The following RGS7 variants were observed in gnomAD, a reference collection of about 807,000 sequenced individuals.
RGS7 encodes regulator of G-protein signaling 7.
A neutral mutation model predicts 81.1 loss-of-function variants in RGS7; 27 were observed. That is an observed-to-expected ratio of 0.33 (90% CI 0.25 to 0.46). RGS7 has a LOEUF of 0.46. Among genes scored for constraint, RGS7 ranks in the 20% least tolerant of loss-of-function variants. The pLI is 1.00. For missense variants in RGS7, 396 were observed against 607.4 expected, an observed-to-expected ratio of 0.65 and a Z score of 3.66; for synonymous variants, 208 against 207.7, an observed-to-expected ratio of 1.00 and a Z score of -0.01.
intron 3 of RGS7, among the ~76,000 whole-genome samples, chr1:241,095,992 T>C (rs928349536): frequency 2.0e-5 from 3 of 152,216 alleles, no homozygotes; most frequent in African/African-American, 7.2e-5. Context: ...TTGAGAAAGT[T>C]AGATTTACAA....
chr1:241,052,039 A>G (rs1165346771), intron 3 of RGS7, among the ~76,000 whole-genome samples: 1 of 152,146 alleles, frequency 6.6e-6, no homozygotes, highest in Non-Finnish European at 1.5e-5. Flanking sequence ...TTCCCCAGAG[A>G]TGTGAACACC....
chr1:241,257,891 T>C (rs4660047), intron 2 of RGS7, among the ~76,000 whole-genome samples: 16,159 of 152,190 alleles, frequency 0.11, 1,114 homozygotes, highest in East Asian at 0.31. Flanking sequence ...TATAGTTCCT[T>C]TATTGTCATT....
At chr1:240,831,066 G>A (rs183156755) in intron 9 of RGS7, among the ~76,000 whole-genome samples, 79 of 152,218 alleles carry the variant, frequency 5.2e-4, no homozygotes, top group African/African-American at 1.7e-3. Flanking sequence ...GAGACTGAAC[G>A]GTAAGATATG....
intron 6 of RGS7, among the ~76,000 whole-genome samples, chr1:240,910,778 T>G (rs1306675996): frequency 6.6e-6 from 1 of 151,988 alleles, no homozygotes; most frequent in Non-Finnish European, 1.5e-5. Context: ...AGTGCAGTGG[T>G]GTCATCTCAG....
At chr1:240,834,998 T>C (rs777593330) in intron 9 of RGS7, among the ~76,000 whole-genome samples, 84 of 151,370 alleles carry the variant, frequency 5.5e-4, no homozygotes, top group Non-Finnish European at 1.0e-3. Flanking sequence ...AATGCTAAAT[T>C]ATAAAATTTT....
intron 4 of RGS7, among the ~76,000 whole-genome samples, chr1:240,938,141 C>A: frequency 6.6e-6 from 1 of 152,130 alleles, no homozygotes; most frequent in Non-Finnish European, 1.5e-5. Context: ...GGTTTGAGGA[C>A]CTGCACAGAT....
intron 6 of RGS7, among the ~76,000 whole-genome samples, chr1:240,894,069 T>C (rs980209324): frequency 1.3e-5 from 2 of 152,222 alleles, no homozygotes; most frequent in Non-Finnish European, 2.9e-5. Context: ...TAATATCATA[T>C]CTGGCTATAC....
intron 2 of RGS7, among the ~76,000 whole-genome samples, chr1:241,215,629 A>C (rs1879745): frequency 0.29 from 43,922 of 152,014 alleles, 6,755 homozygotes; most frequent in African/African-American, 0.41. Context: ...GGCAAATAGG[A>C]CTTCAAAAAT....
At chr1:241,253,772 G>A (rs775278867) in intron 2 of RGS7, among the ~76,000 whole-genome samples, 9 of 151,994 alleles carry the variant, frequency 5.9e-5, no homozygotes, top group Non-Finnish European at 1.3e-4. Context: ...CCTTTTCCCT[G>A]GTATTCAACT....
At chr1:241,079,089 C>T (rs560684947) in intron 3 of RGS7, among the ~76,000 whole-genome samples, 6 of 152,230 alleles carry the variant, frequency 3.9e-5, no homozygotes, top group Admixed American at 3.3e-4. Context: ...TCCTGAAATG[C>T]GTCTAAGCTA....
chr1:241,211,545 C>A (rs2074244777), intron 2 of RGS7, among the ~76,000 whole-genome samples: 1 of 152,110 alleles, frequency 6.6e-6, no homozygotes, highest in Non-Finnish European at 1.5e-5. Flanking sequence ...AGGACATCAC[C>A]AAAGACCTAG....
chr1:240,871,460 G>A (rs547487849), intron 6 of RGS7, among the ~76,000 whole-genome samples: 10 of 152,300 alleles, frequency 6.6e-5, no homozygotes, highest in South Asian at 2.1e-4. Flanking sequence ...AAGTCAAGAC[G>A]AAGGAGAGAG....
intron 2 of RGS7, among the ~76,000 whole-genome samples, chr1:241,210,474 G>A (rs1436139643): frequency 6.6e-6 from 1 of 152,096 alleles, no homozygotes; most frequent in African/African-American, 2.4e-5. Context: ...TTTTAAAGAG[G>A]AACAATGAAT....
At chr1:241,075,230 G>C (rs541133344) in intron 3 of RGS7, among the ~76,000 whole-genome samples, 1 of 152,304 alleles carries the variant, frequency 6.6e-6, no homozygotes, top group Admixed American at 6.5e-5. Context: ...ACATCCAAAA[G>C]TGGAAGATTC....
intron 9 of RGS7, among the ~76,000 whole-genome samples, chr1:240,828,915 A>G (rs1339720744): frequency 6.6e-6 from 1 of 152,198 alleles, no homozygotes; most frequent in Non-Finnish European, 1.5e-5. Flanking sequence ...GAAACTGTGA[A>G]TACGGAAAAG....
intron 9 of RGS7, among the ~76,000 whole-genome samples, chr1:240,833,067 A>G (rs1435707110): frequency 6.6e-6 from 1 of 152,242 alleles, no homozygotes; most frequent in Non-Finnish European, 1.5e-5. Context: ...ATAATAAAAT[A>G]GAAAACAACA....
intron 2 of RGS7, among the ~76,000 whole-genome samples, chr1:241,108,623 A>G (rs1014896571): frequency 1.3e-5 from 2 of 152,192 alleles, no homozygotes; most frequent in Non-Finnish European, 2.9e-5. Context: ...TATTGCAGTC[A>G]AAGTTCAAAT....
At chr1:241,324,929 T>C (rs2081408269) in intron 2 of RGS7, among the ~76,000 whole-genome samples, 1 of 152,230 alleles carries the variant, frequency 6.6e-6, no homozygotes, top group Non-Finnish European at 1.5e-5. Context: ...TTAAAAGACA[T>C]CACATTCTAC....
rs116246787 is a variant in RGS7, at chr1:240,776,151, A to T, written c.*69T>A. 3 of 1,603,758 alleles carry T rather than the reference A, an allele frequency of 1.9e-6. No homozygotes were observed. The highest frequency in any genetic ancestry group is 2.6e-6 in the Non-Finnish European group (3 of 1,170,550). On this transcript the variant is annotated 3_prime_UTR_variant, in exon 19 of 19. Transcript: ENST00000440928. ...TGACTCCAGTCTGCATTCATGCTACAAGATGATCCGTTTAGTAAGACTGAG... is the reference window on the plus strand; with the variant it reads ...TGACTCCAGTCTGCATTCATGCTACTAGATGATCCGTTTAGTAAGACTGAG...
Sources: allele counts gnomAD v4.1 joint callset (sites outside exome capture counted in the v4.1 genomes callset), GRCh38; gene constraint gnomAD v4.1.1; transcripts MANE v1.5; gene names NCBI Gene and HGNC (gene_info 2026-07-23, HGNC 2026-07-21).